Variants in RIMS2 observed in about 807,000 individuals in gnomAD.
RIMS2 encodes the protein regulating synaptic membrane exocytosis protein 2.
In RIMS2, 59 loss-of-function variants were observed where a neutral mutation model predicts 174.4. The ratio of observed to expected loss-of-function variants is 0.34; its 90% CI spans 0.27 to 0.42. The LOEUF is 0.42. RIMS2 is among the 10% of genes least tolerant of loss of function. RIMS2 has a pLI of 1.00. For synonymous variants in RIMS2, 606 were observed against 572.5 expected (o/e 1.06, Z -0.84); for missense variants, 1,620 against 1,666.3 (o/e 0.97, Z 0.48).
chr8:103,570,067 G>A (rs2132306272), intron 1 of RIMS2, among the ~76,000 whole-genome samples: 1 of 152,200 alleles, frequency 6.6e-6, no homozygotes, highest in South Asian at 2.1e-4. Context: ...CAGTTCTTAA[G>A]ACTTTTGTCA....
intron 3 of RIMS2, among the ~76,000 whole-genome samples, chr8:103,840,093 G>A (rs1437033655): frequency 1.3e-5 from 2 of 152,120 alleles, no homozygotes; most frequent in Non-Finnish European, 2.9e-5. Context: ...ACACATTAAA[G>A]TGGTTGTTTC....
intron 19 of RIMS2, among the ~76,000 whole-genome samples, chr8:104,175,537 C>T (rs1364426976): frequency 6.6e-6 from 1 of 152,070 alleles, no homozygotes; most frequent in Non-Finnish European, 1.5e-5. Flanking sequence ...AATACTAAAT[C>T]TTATTCATTC....
At chr8:103,708,413 A>G (rs1421982991) in intron 2 of RIMS2, among the ~76,000 whole-genome samples, 2 of 152,144 alleles carry the variant, frequency 1.3e-5, no homozygotes, top group Non-Finnish European at 2.9e-5. Context: ...TGGTGTAGAC[A>G]GTGCTGTTCT....
intron 21 of RIMS2, 100 bp downstream of exon 27, chr8:104,248,913 T>TCTCTCTCTCTCTCTG: frequency 1.9e-6 from 1 of 537,972 alleles, no homozygotes; most frequent in Non-Finnish European, 3.2e-6. Flanking sequence ...CTCTCTCTCT[T>TCTCTCTCTCTCTCTG]TCCCTCTCTC....
intron 4 of RIMS2, among the ~76,000 whole-genome samples, chr8:103,909,923 ATATTATACTTTC>A (rs2075317186): frequency 6.6e-6 from 1 of 151,624 alleles, no homozygotes; most frequent in Non-Finnish European, 1.5e-5. Context: ...TATAAACTTT[ATATTATACTTTC>A]TATAAATTTT....
chr8:103,694,264 C>CAGTA (rs1298570706), intron 1 of RIMS2, among the ~76,000 whole-genome samples: 1 of 152,096 alleles, frequency 6.6e-6, no homozygotes, highest in Non-Finnish European at 1.5e-5. Context: ...CTGATGCTTG[C>CAGTA]AGTAGTACGG....
chr8:104,160,712 T>C (rs2098755866), intron 19 of RIMS2, among the ~76,000 whole-genome samples: 1 of 152,202 alleles, frequency 6.6e-6, no homozygotes, highest in African/African-American at 2.4e-5. Context: ...ATTCATTAAA[T>C]AAACATTTTT....
In RIMS2 at chr8:104,206,988, C is replaced by T. The variant is rs541807391; in HGVS notation, c.3335-37928C>T. The stretch of plus-strand genomic sequence containing the variant: ...ACAGGACAGAGAAGTTGTCTGACCT[C>T]TTTTTAGAAAAGAAACCAAGGGACA... On this transcript the variant is annotated intron_variant, in intron 19 of 23. Transcript: ENST00000504942. Among the ~76,000 whole-genome samples the T allele has an allele frequency of 7.2e-5, 11 of 152,220 alleles. No individual in the cohort carries two copies. The East Asian group carries it at 1.9e-3, about 27-fold the overall frequency.
chr8:104,254,897 C>G (rs1198185764), downstream of RIMS2: 1 of 152,088 alleles, frequency 6.6e-6, no homozygotes, highest in Non-Finnish European at 1.5e-5. Context: ...GATGGGGAGA[C>G]GTGGTAACCT....
chr8:104,092,740 A>T (rs2097684998), intron 19 of RIMS2, among the ~76,000 whole-genome samples: 1 of 151,874 alleles, frequency 6.6e-6, no homozygotes. Flanking sequence ...TTAGCAAATG[A>T]TTTTTTGTTG....
At chr8:103,816,153 C>T (rs2098716990) in intron 3 of RIMS2, among the ~76,000 whole-genome samples, 1 of 152,050 alleles carries the variant, frequency 6.6e-6, no homozygotes, top group Non-Finnish European at 1.5e-5. Flanking sequence ...TTACAGAGTC[C>T]ATTCAAAGCA....
intron 1 of RIMS2, among the ~76,000 whole-genome samples, chr8:103,536,761 T>A (rs981513358): frequency 3.3e-5 from 5 of 152,204 alleles, no homozygotes; most frequent in African/African-American, 9.6e-5. Context: ...TCTGCCCCTA[T>A]GATCCAATCA....
intron 19 of RIMS2, among the ~76,000 whole-genome samples, chr8:104,131,824 T>C (rs2098476171): frequency 6.6e-6 from 1 of 152,210 alleles, no homozygotes; most frequent in East Asian, 1.9e-4. Context: ...TATTGGGGAA[T>C]ATTTCTGGCA....
At chr8:103,957,173 A>G (rs1035765127) in intron 14 of RIMS2, among the ~76,000 whole-genome samples, 8 of 152,198 alleles carry the variant, frequency 5.3e-5, no homozygotes, top group African/African-American at 1.7e-4. Flanking sequence ...TAGTTCAACC[A>G]TTGTGGAAGA....
intron 19 of RIMS2, among the ~76,000 whole-genome samples, chr8:104,173,959 T>TTATTTATG (rs2098849161): frequency 4.0e-5 from 6 of 150,164 alleles, no homozygotes; most frequent in Non-Finnish European, 7.4e-5. Context: ...ATTTATTTAT[T>TTATTTATG]TATGTAGAGA....
At chr8:104,002,097 A>C (rs754497109) in intron 17 of RIMS2, among the ~76,000 whole-genome samples, 1 of 152,086 alleles carries the variant, frequency 6.6e-6, no homozygotes, top group Non-Finnish European at 1.5e-5. Context: ...TCATGACCAT[A>C]CTTTACATTT....
chr8:104,219,192 A>G (rs957759511), intron 19 of RIMS2, among the ~76,000 whole-genome samples: 7 of 152,236 alleles, frequency 4.6e-5, no homozygotes, highest in Non-Finnish European at 1.0e-4. Flanking sequence ...ACATTGGTAT[A>G]CAGTTTGAGT....
At chr8:103,568,798 C>T in intron 1 of RIMS2, 1 of 1,145,978 alleles carries the variant, frequency 8.7e-7, no homozygotes, top group Non-Finnish European at 1.3e-6. Flanking sequence ...GCTGTTTGTG[C>T]AATCAGTGCT....
chr8:103,961,062 T>C lies in RIMS2; in HGVS notation c.2702-3T>C, dbSNP rs1226074724. ...TTAATTATTGCTATTGTTTACTTTA[T>C]AGGGTCAAAGAGAATAAGTGATAGT... On this transcript the variant is annotated splice_region_variant and splice_polypyrimidine_tract_variant and intron_variant, in intron 14 of 23. Coordinates refer to ENST00000504942, the Ensembl canonical transcript of RIMS2. 9 of 1,429,488 alleles carry C rather than the reference T, an allele frequency of 6.3e-6. No homozygotes were observed. The highest frequency in any genetic ancestry group is 5.0e-5 in the Admixed American group (3 of 59,422). 88.6% of individuals were successfully genotyped at this position (1,429,488 alleles called of 1,614,324 possible). A position where few individuals can be genotyped will look rare whatever the true frequency, so the allele number is the denominator to read the frequency against.
Sources: gnomAD v4.1 joint callset for allele counts (sites outside exome capture counted in the v4.1 genomes callset) on GRCh38, gnomAD v4.1.1 for gene constraint, MANE v1.5 for transcripts, NCBI Gene and HGNC (gene_info 2026-07-23, HGNC 2026-07-21) for gene names.